Variants in PTBP2 observed in about 807,000 individuals in gnomAD.
PTBP2 encodes polypyrimidine tract binding protein 2, also known as polypyrimidine tract-binding protein 2.
A neutral mutation model predicts 61.4 loss-of-function variants in PTBP2; 13 were observed. That is an observed-to-expected ratio of 0.21 (90% CI 0.14 to 0.34). The LOEUF (loss-of-function observed/expected upper bound fraction) is 0.34. Among genes scored for constraint, PTBP2 ranks in the 10% least tolerant of loss-of-function variants. The pLI, the probability that PTBP2 is intolerant of heterozygous loss-of-function variation, is 1.00. For missense variants in PTBP2, 405 were observed against 642.6 expected (o/e 0.63, Z 4.00); for synonymous variants, 215 against 218.5 (o/e 0.98, Z 0.14).
Position 96,748,272 on chromosome 1 carries a change from G to A in PTBP2, c.40-3153G>A, listed in dbSNP as rs77528331. 3.2e-4 allele frequency among the ~76,000 whole-genome samples: 49 copies of A among 152,184 alleles called. 1 individual carries two copies. Among genetic ancestry groups the A allele is most frequent in the African/African-American group, 1.1e-3 (46 of 41,526 alleles). On this transcript the variant is annotated intron_variant, in intron 2 of 13. Coordinates refer to ENST00000674951, the MANE Select transcript of PTBP2 (RefSeq NM_021190.4). ...CCTTCAGTCCTTGGTTGCCTTCTTC[G>A]CAGACCTGGCAGCTCTTCCACCTGA...
chr1:96,730,845 G>T lies in PTBP2; in HGVS notation c.39+7251G>T, dbSNP rs1413172936. Among the ~76,000 whole-genome samples the T allele has an allele frequency of 3.3e-5, 5 of 152,306 alleles. No homozygotes were observed. The East Asian group carries it at 9.7e-4, about 29-fold the overall frequency. Reference sequence around the variant, plus strand: ...GGGAGTATAAGCTGAGGCAAACATGGACTCATTTGTTTTCTAACTTTCAGG... The same window carrying T: ...GGGAGTATAAGCTGAGGCAAACATGTACTCATTTGTTTTCTAACTTTCAGG... On this transcript the variant is annotated intron_variant, in intron 2 of 13. Coordinates refer to ENST00000674951, the MANE Select transcript of PTBP2 (RefSeq NM_021190.4).
chr1:96,804,751 G>T (rs781251249), intron 8 of PTBP2, 49 bp from the exon 9 acceptor site: 2 of 1,551,720 alleles, frequency 1.3e-6, no homozygotes, highest in South Asian at 2.3e-5. Flanking sequence ...CGACTTGTGT[G>T]TGTTTCGTAA....
At chr1:96,804,673 T>C in intron 8 of PTBP2, 127 bp from the exon 9 acceptor site, 1 of 916,056 alleles carries the variant, frequency 1.1e-6, no homozygotes, top group Non-Finnish European at 1.6e-6. Context: ...AAAATTAACT[T>C]TCAGGAACCA....
rs1044137183 is a variant in PTBP2, at chr1:96,721,805, T to C, written c.-60T>C. Reference sequence around the variant, plus strand: ...CCCCAGCCGCCATTTTCTCGCCGCTTGTGTGGCTCGCTGGCTGCGTGGCTC... The same window carrying C: ...CCCCAGCCGCCATTTTCTCGCCGCTCGTGTGGCTCGCTGGCTGCGTGGCTC... On this transcript the variant is annotated 5_prime_UTR_variant, in exon 1 of 14. Transcript: ENST00000674951. 4 of 1,548,158 alleles carry C rather than the reference T, an allele frequency of 2.6e-6. No homozygotes were observed. The highest frequency in any genetic ancestry group is 3.5e-6 in the Non-Finnish European group (4 of 1,144,462).
chr1:96,779,181 T>C (rs1658375071), intron 7 of PTBP2, among the ~76,000 whole-genome samples: 1 of 151,238 alleles, frequency 6.6e-6, no homozygotes, highest in Non-Finnish European at 1.5e-5. Context: ...ATTAGAATTC[T>C]TTTTTTTTGT....
chr1:96,747,463 T>A (rs1039937467), intron 2 of PTBP2, among the ~76,000 whole-genome samples: 1 of 152,106 alleles, frequency 6.6e-6, no homozygotes, highest in Non-Finnish European at 1.5e-5. Flanking sequence ...TTTAAAAAAT[T>A]TTGCTTTTTA....
intron 8 of PTBP2, among the ~76,000 whole-genome samples, chr1:96,799,023 C>T (rs1235908861): frequency 2.0e-5 from 3 of 152,144 alleles, no homozygotes; most frequent in African/African-American, 4.8e-5. Context: ...TAATTTATAT[C>T]ACTTCTCTCT....
chr1:96,732,227 CT>C (rs1411780881), intron 2 of PTBP2, among the ~76,000 whole-genome samples: 1 of 152,050 alleles, frequency 6.6e-6, no homozygotes, highest in African/African-American at 2.4e-5. Flanking sequence ...CTAAATGTAA[CT>C]TTTTTGGTAA....
At chr1:96,757,899 A>G (rs1389368360) in intron 3 of PTBP2, among the ~76,000 whole-genome samples, 1 of 152,094 alleles carries the variant, frequency 6.6e-6, no homozygotes, top group Non-Finnish European at 1.5e-5. Context: ...ATACTACCCA[A>G]GGGTGTGTAT....
intron 8 of PTBP2, among the ~76,000 whole-genome samples, chr1:96,789,512 C>T (rs1169309916): frequency 6.6e-6 from 1 of 152,044 alleles, no homozygotes; most frequent in Non-Finnish European, 1.5e-5. Flanking sequence ...CAGAAAAGAG[C>T]TTGTAACTTA....
chr1:96,750,152 G>A (rs1290413222), intron 2 of PTBP2, among the ~76,000 whole-genome samples: 1 of 151,770 alleles, frequency 6.6e-6, no homozygotes, highest in Non-Finnish European at 1.5e-5. Flanking sequence ...AACATATACT[G>A]TCAGTAAGCT....
At chr1:96,792,127 G>A (rs562509301) in intron 8 of PTBP2, among the ~76,000 whole-genome samples, 7 of 152,150 alleles carry the variant, frequency 4.6e-5, no homozygotes, top group South Asian at 2.1e-4. Context: ...GTGAGCCACC[G>A]CGCCTAGCCT....
At chr1:96,760,835 T>C (rs113149658) in intron 3 of PTBP2, among the ~76,000 whole-genome samples, 3 of 152,332 alleles carry the variant, frequency 2.0e-5, no homozygotes, top group Admixed American at 6.5e-5. Context: ...AGAACATGTT[T>C]GCTGTAAAAC....
chr1:96,741,228 AT>A (rs1557696544), intron 2 of PTBP2, among the ~76,000 whole-genome samples: 1 of 147,054 alleles, frequency 6.8e-6, no homozygotes. Context: ...TTGTTTTGTT[AT>A]TTTTTTTGGT....
chr1:96,806,594 A>T (rs1270075685), intron 10 of PTBP2, 142 bp downstream of exon 10: 2 of 956,136 alleles, frequency 2.1e-6, no homozygotes, highest in South Asian at 3.2e-5. Context: ...CTCTCCATAG[A>T]CACAAAATTT....
In PTBP2 at chr1:96,735,501, T is replaced by C. The variant is rs138062760; in HGVS notation, c.39+11907T>C. 8.6e-3 allele frequency among the ~76,000 whole-genome samples: 1,315 copies of C among 152,188 alleles called. 17 individuals carry two copies. The highest frequency in any genetic ancestry group is 0.03 in the African/African-American group (1,265 of 41,520). Reference sequence around the variant, plus strand: ...AAATTATTTTGAATGTTAGATGAGATGAGGAAAAGACTTATGCTGAAAGGA... The same window carrying C: ...AAATTATTTTGAATGTTAGATGAGACGAGGAAAAGACTTATGCTGAAAGGA... On this transcript the variant is annotated intron_variant, in intron 2 of 13. Transcript: ENST00000674951.
intron 2 of PTBP2, among the ~76,000 whole-genome samples, chr1:96,741,375 C>T (rs575660056): frequency 4.6e-5 from 7 of 152,228 alleles, no homozygotes; most frequent in African/African-American, 1.4e-4. Flanking sequence ...ATTCTCTCAC[C>T]TTTGTTTCCT....
intron 2 of PTBP2, among the ~76,000 whole-genome samples, chr1:96,742,744 G>T (rs1653206167): frequency 6.6e-6 from 1 of 151,094 alleles, no homozygotes; most frequent in South Asian, 2.1e-4. Context: ...AAAAGTAGAG[G>T]GAATGGTATA....
chr1:96,819,236 A>C (rs1305563374), downstream of PTBP2: 2 of 152,028 alleles, frequency 1.3e-5, no homozygotes, highest in Non-Finnish European at 2.9e-5. Context: ...AGCACAGTCT[A>C]ACAGTTGAAA....
Sources: gnomAD v4.1 joint callset for allele counts (sites outside exome capture counted in the v4.1 genomes callset) on GRCh38, gnomAD v4.1.1 for gene constraint, MANE v1.5 for transcripts, NCBI Gene and HGNC (gene_info 2026-07-23, HGNC 2026-07-21) for gene names.